FRY: variants seen among roughly 807,000 people sequenced by gnomAD.
The protein encoded by FRY is protein furry homolog.
FRY carries 128 observed loss-of-function variants against 348.4 expected under a neutral mutation model. That is an observed-to-expected ratio of 0.37 (90% CI 0.32 to 0.43). FRY has a LOEUF of 0.43. FRY is among the 20% of genes least tolerant of loss of function. The probability of loss-of-function intolerance (pLI) is 1.00; values close to 1 mark genes in which losing one functional copy is unlikely to be tolerated. For synonymous variants in FRY, 1,370 were observed against 1,374.7 expected (o/e 1.00, Z 0.08); for missense variants, 2,736 against 3,695.2 (o/e 0.74, Z 6.73).
chr13:32,086,005 C>T (rs1460168291), intron 2 of FRY: 1 of 518,756 alleles, frequency 1.9e-6, no homozygotes, highest in East Asian at 5.5e-5. Context: ...TTGAGTCCTA[C>T]CCAGGTGTGA....
chr13:32,162,501 C>G (rs1881509884), intron 17 of FRY, among the ~76,000 whole-genome samples: 1 of 152,146 alleles, frequency 6.6e-6, no homozygotes, highest in African/African-American at 2.4e-5. Context: ...CAGCTTGGGT[C>G]CCTCTGTTGA....
In FRY at chr13:32,162,779, G is replaced by A. The variant is rs574311882; in HGVS notation, c.1892+1528G>A. Among the ~76,000 whole-genome samples the A allele has an allele frequency of 1.1e-4, 17 of 152,224 alleles. No homozygotes were observed. In the South Asian group the frequency reaches 2.1e-3, roughly 19 times the overall value. On this transcript the variant is annotated intron_variant, in intron 17 of 60. Transcript: ENST00000542859. Reference sequence around the variant, plus strand: ...TGCTGTCATCAGCAGCCTTCCAGCCGTGGATCCTTCTTCCTTCCAGTCCAC... The same window carrying A: ...TGCTGTCATCAGCAGCCTTCCAGCCATGGATCCTTCTTCCTTCCAGTCCAC...
chr13:32,147,798 G>A, intron 12 of FRY, 41 bp from the exon 13 acceptor site: 1 of 1,078,780 alleles, frequency 9.3e-7, no homozygotes, highest in Admixed American at 1.7e-5. Flanking sequence ...CTGGAGCTCA[G>A]CCAATCTTGC....
At chr13:32,143,690 C>T (rs7985410) in intron 11 of FRY, among the ~76,000 whole-genome samples, 108,233 of 152,108 alleles carry the variant, frequency 0.71, 39,365 homozygotes, top group East Asian at 0.9. Context: ...TTATATATAT[C>T]TTAAAAAAGG....
Position 32,225,040 on chromosome 13 carries a change from A to G in FRY, c.5020+4A>G, listed in dbSNP as rs1400658951. On this transcript the variant is annotated splice_donor_region_variant and intron_variant, in intron 38 of 60. Coordinates refer to ENST00000542859, the MANE Select transcript of FRY (RefSeq NM_023037.3). ...TTACTTCATGCTGTCTTCTTAGGTA[A>G]GACTGGATCTAAAAGGCATTCTAGC... is the stretch of plus-strand genomic sequence containing the variant. 2.6e-6 allele frequency: 4 copies of G among 1,532,820 alleles called. No homozygotes were observed. The allele number at this position is 1,532,820 out of a possible 1,614,324, so 95.0% of individuals were successfully genotyped here.
intron 1 of FRY, among the ~76,000 whole-genome samples, chr13:32,053,647 G>A (rs751927431): frequency 1.1e-4 from 17 of 152,290 alleles, no homozygotes; most frequent in Non-Finnish European, 1.8e-4. Context: ...GTGCACATGC[G>A]TCCCTGATGC....
intron 40 of FRY, among the ~76,000 whole-genome samples, chr13:32,230,401 G>C (rs1885842880): frequency 6.6e-6 from 1 of 152,140 alleles, no homozygotes; most frequent in Non-Finnish European, 1.5e-5. Context: ...ATATAATCTT[G>C]TACCTTTTTA....
At chr13:32,163,187 G>A (rs1881545988) in intron 17 of FRY, among the ~76,000 whole-genome samples, 1 of 152,218 alleles carries the variant, frequency 6.6e-6, no homozygotes, top group South Asian at 2.1e-4. Flanking sequence ...GGCATGACCA[G>A]GAGACGTGTA....
chr13:32,131,896 C>A, intron 8 of FRY, 56 bp downstream of exon 8: 2 of 1,310,956 alleles, frequency 1.5e-6, no homozygotes, highest in South Asian at 1.2e-5. Flanking sequence ...TTCCCTTCCT[C>A]AAAATGATGA....
At chr13:32,290,646 G>A (rs1889293723) in intron 59 of FRY, among the ~76,000 whole-genome samples, 2 of 152,142 alleles carry the variant, frequency 1.3e-5, no homozygotes, top group Non-Finnish European at 2.9e-5. Flanking sequence ...CTCTCTGGCA[G>A]CTATGCGGAG....
chr13:32,202,622 C>G (rs1566129509), intron 31 of FRY, 95 bp downstream of exon 31: 1 of 1,134,230 alleles, frequency 8.8e-7, no homozygotes, highest in Non-Finnish European at 1.3e-6. Flanking sequence ...TTTCTTTGCT[C>G]TAAGTAATTT....
intron 2 of FRY, among the ~76,000 whole-genome samples, chr13:32,091,646 G>T (rs187692228): frequency 1.1e-3 from 160 of 152,334 alleles, no homozygotes; most frequent in African/African-American, 3.7e-3. Flanking sequence ...ACCACATGGG[G>T]TGAGGAAGCT....
chr13:32,230,496 T>A (rs1435687593), intron 40 of FRY, among the ~76,000 whole-genome samples: 3 of 152,202 alleles, frequency 2.0e-5, no homozygotes, highest in African/African-American at 7.2e-5. Context: ...AAGGATATAA[T>A]CTTGTACATT....
chr13:32,119,824 C>T (rs567756386), intron 4 of FRY, among the ~76,000 whole-genome samples: 5 of 152,282 alleles, frequency 3.3e-5, no homozygotes, highest in African/African-American at 1.2e-4. Flanking sequence ...TTTCTCCTGG[C>T]AGGGCTGTTC....
chr13:32,254,147 A>G, intron 50 of FRY, 77 bp from the exon 51 acceptor site: 1 of 1,321,478 alleles, frequency 7.6e-7, no homozygotes, highest in Non-Finnish European at 1.1e-6. Context: ...GGTGCTATGA[A>G]GAGCCAATTA....
chr13:32,275,821 T>C (rs1888507055), intron 56 of FRY, among the ~76,000 whole-genome samples: 2 of 151,958 alleles, frequency 1.3e-5, no homozygotes, highest in South Asian at 4.2e-4. Context: ...GCTTTACACA[T>C]GGAACTCTAA....
chr13:32,147,305 A>G lies in FRY; in HGVS notation c.1203A>G (p.Arg401=). The G allele has an allele frequency of 6.2e-7, 1 of 1,609,682 alleles. No individual in the cohort carries two copies. Among genetic ancestry groups the G allele is most frequent in the East Asian group, 2.2e-5 (1 of 44,852 alleles). ...AGAACAAAGATCCCAAGATGGCTCGAGTTGCACTGGAATCTCTCTACAGAT... is the reference window on the plus strand; with the variant it reads ...AGAACAAAGATCCCAAGATGGCTCGGGTTGCACTGGAATCTCTCTACAGAT... ...NLKNKDPKMA[R]VALESLYRLL... The change falls in exon 12 of 61, where the codon CGA becomes CGG. Residue 401 remains arginine, a synonymous_variant. Coordinates refer to ENST00000542859, the MANE Select transcript of FRY (RefSeq NM_023037.3).
At chr13:32,040,753 T>A (rs1422047729) in intron 1 of FRY, among the ~76,000 whole-genome samples, 1 of 152,196 alleles carries the variant, frequency 6.6e-6, no homozygotes, top group Non-Finnish European at 1.5e-5. Flanking sequence ...GACACAGGCA[T>A]GTTTTTTTTT....
At chr13:32,259,620 A>C (rs1231907383) in intron 51 of FRY, among the ~76,000 whole-genome samples, 1 of 152,238 alleles carries the variant, frequency 6.6e-6, no homozygotes. Flanking sequence ...CATTTGGCAC[A>C]AGAGAGTCAG....
Sources: gnomAD v4.1 joint callset for allele counts (sites outside exome capture counted in the v4.1 genomes callset) on GRCh38, gnomAD v4.1.1 for gene constraint, MANE v1.5 for transcripts, NCBI Gene and HGNC (gene_info 2026-07-23, HGNC 2026-07-21) for gene names.